ASIC2: variants seen among roughly 807,000 people sequenced by gnomAD.
ASIC2 encodes acid-sensing ion channel 2.
In ASIC2, 25 loss-of-function variants were observed where a neutral mutation model predicts 57.3. The observed-to-expected ratio is 0.44, with a 90% CI of 0.32 to 0.61. The LOEUF is 0.61. Ranked by LOEUF, ASIC2 falls within the 20% of genes least tolerant of loss-of-function variation. The pLI is 0.06. For synonymous variants in ASIC2, 319 were observed against 307.5 expected (o/e 1.04, Z -0.39); for missense variants, 641 against 738.1 (o/e 0.87, Z 1.52).
chr17:33,391,705 T>C (rs1909896722), intron 1 of ASIC2, among the ~76,000 whole-genome samples: 2 of 152,220 alleles, frequency 1.3e-5, no homozygotes, highest in Admixed American at 6.5e-5. Flanking sequence ...GTTGGGCGTG[T>C]TCACTGACAT....
At chr17:33,857,017 C>CTTG (rs1913975219) in intron 1 of ASIC2, among the ~76,000 whole-genome samples, 1 of 152,038 alleles carries the variant, frequency 6.6e-6, no homozygotes, top group African/African-American at 2.4e-5. Flanking sequence ...ATAGATGGAG[C>CTTG]TTGCTTTCAG....
chr17:33,715,204 G>A (rs116238773), intron 1 of ASIC2, among the ~76,000 whole-genome samples: 1,613 of 152,038 alleles, frequency 0.011, 13 homozygotes, highest in Non-Finnish European at 0.014. Context: ...GTCTCACTGC[G>A]TTGCCCAGGC....
At chr17:33,117,288 T>A (rs1042698839) in intron 1 of ASIC2, among the ~76,000 whole-genome samples, 1 of 152,112 alleles carries the variant, frequency 6.6e-6, no homozygotes, top group Non-Finnish European at 1.5e-5. Context: ...TTCTCTTGCC[T>A]GAGCCTCCTG....
At chr17:33,749,013 A>G (rs1910350297) in intron 1 of ASIC2, among the ~76,000 whole-genome samples, 2 of 152,076 alleles carry the variant, frequency 1.3e-5, no homozygotes, top group African/African-American at 4.8e-5. Flanking sequence ...GCCTAAGAAC[A>G]CTTGGCTGCC....
At chr17:33,253,233 T>G (rs1243418980) in intron 1 of ASIC2, among the ~76,000 whole-genome samples, 1 of 152,208 alleles carries the variant, frequency 6.6e-6, no homozygotes, top group Non-Finnish European at 1.5e-5. Flanking sequence ...CATAGTGTTT[T>G]CAGCTATGTG....
At chr17:33,763,267 T>C (rs1422468766) in intron 1 of ASIC2, among the ~76,000 whole-genome samples, 1 of 152,138 alleles carries the variant, frequency 6.6e-6, no homozygotes, top group East Asian at 1.9e-4. Context: ...GCTCAGTAAA[T>C]ATCTGTAGAA....
intron 1 of ASIC2, among the ~76,000 whole-genome samples, chr17:33,839,496 T>A (rs988184785): frequency 1.3e-5 from 2 of 151,604 alleles, no homozygotes; most frequent in African/African-American, 4.8e-5. Context: ...AAACTCACCC[T>A]TCTACACTCT....
intron 1 of ASIC2, among the ~76,000 whole-genome samples, chr17:33,199,578 C>T (rs1204672275): frequency 6.6e-6 from 1 of 152,208 alleles, no homozygotes; most frequent in African/African-American, 2.4e-5. Context: ...GAAGTGATTA[C>T]ATAAAGTGAT....
chr17:33,456,748 G>A (rs914881305), intron 1 of ASIC2, among the ~76,000 whole-genome samples: 2 of 152,310 alleles, frequency 1.3e-5, no homozygotes, highest in African/African-American at 4.8e-5. Context: ...CAGCACTGGA[G>A]TATTGTAGAA....
chr17:34,054,576 C>T (rs1908693858), intron 1 of ASIC2, among the ~76,000 whole-genome samples: 1 of 152,196 alleles, frequency 6.6e-6, no homozygotes, highest in Non-Finnish European at 1.5e-5. Context: ...TTCACACATA[C>T]ACATTTGCCA....
At chr17:33,457,027 C>A (rs1391631567) in intron 1 of ASIC2, among the ~76,000 whole-genome samples, 1 of 152,154 alleles carries the variant, frequency 6.6e-6, no homozygotes, top group African/African-American at 2.4e-5. Context: ...TAATCCTGCA[C>A]AAGCTAATTA....
chr17:33,087,295 A>G (rs963959898), intron 3 of ASIC2, among the ~76,000 whole-genome samples: 2 of 152,096 alleles, frequency 1.3e-5, no homozygotes, highest in African/African-American at 4.8e-5. Flanking sequence ...TGGTTGCACC[A>G]TTTGGTTTCT....
intron 3 of ASIC2, among the ~76,000 whole-genome samples, chr17:33,035,229 T>C (rs2091904182): frequency 6.6e-6 from 1 of 152,200 alleles, no homozygotes; most frequent in African/African-American, 2.4e-5. Flanking sequence ...TTTTCTGCAA[T>C]TATTTAACAT....
intron 1 of ASIC2, among the ~76,000 whole-genome samples, chr17:33,139,799 G>C (rs1438813634): frequency 6.6e-6 from 1 of 152,156 alleles, no homozygotes; most frequent in Non-Finnish European, 1.5e-5. Flanking sequence ...AGACAAGATT[G>C]CAAGCTTGGA....
chr17:33,372,720 G>C (rs557911797), intron 1 of ASIC2, among the ~76,000 whole-genome samples: 2 of 152,230 alleles, frequency 1.3e-5, no homozygotes, highest in Admixed American at 6.5e-5. Flanking sequence ...ATTGGGATCT[G>C]GGCAGCCCAT....
intron 1 of ASIC2, among the ~76,000 whole-genome samples, chr17:33,519,023 T>C (rs1447122905): frequency 1.0e-5 from 1 of 96,516 alleles, no homozygotes; most frequent in Non-Finnish European, 2.2e-5. Flanking sequence ...GGTTTCACCA[T>C]GTTGGCCAGG....
Position 34,156,573 on chromosome 17 carries a change from G to T in ASIC2, c.-41C>A. On this transcript the variant is annotated 5_prime_UTR_variant, in exon 1 of 10. Transcript: ENST00000359872. This position sits in a 1 kb window ranked among gnomAD's most constrained non-coding sequence, Gnocchi z 4.4. ...TTCCGCAACTGGCTTCAGGTTGATC[G>T]AATTTCAGAGAAGAGCTCCCAGTCC... 2 of 1,529,098 alleles carry T rather than the reference G, an allele frequency of 1.3e-6. No homozygotes were observed. The highest frequency in any genetic ancestry group is 1.3e-5 in the South Asian group (1 of 78,146). The allele number at this position is 1,529,098 out of a possible 1,614,324, so 94.7% of individuals were successfully genotyped here.
At chr17:34,035,846 C>G (rs949925444) in intron 1 of ASIC2, among the ~76,000 whole-genome samples, 14 of 152,058 alleles carry the variant, frequency 9.2e-5, no homozygotes, top group East Asian at 1.9e-4. Flanking sequence ...CCATCTCACA[C>G]CAGTTAGAAT....
At chr17:33,894,769 G>T (rs1915051752) in intron 1 of ASIC2, among the ~76,000 whole-genome samples, 1 of 152,140 alleles carries the variant, frequency 6.6e-6, no homozygotes, top group Admixed American at 6.5e-5. Flanking sequence ...TTAAGTTACT[G>T]CATGAAAGAG....
Sources: allele counts gnomAD v4.1 joint callset (sites outside exome capture counted in the v4.1 genomes callset), GRCh38; gene constraint gnomAD v4.1.1; non-coding constraint Gnocchi (gnomAD v3.1); transcripts MANE v1.5; gene names NCBI Gene and HGNC (gene_info 2026-07-23, HGNC 2026-07-21).